FSHR: variants seen among roughly 807,000 people sequenced by gnomAD.
The protein encoded by FSHR is follicle-stimulating hormone receptor.
FSHR carries 46 observed loss-of-function variants against 52.1 expected under a neutral mutation model. The ratio of observed to expected loss-of-function variants is 0.88; its 90% CI spans 0.70 to 1.13. The LOEUF is 1.13. FSHR is among the 50% of genes most tolerant of loss of function. The pLI is 0.00. For synonymous variants in FSHR, 399 were observed against 309.6 expected (o/e 1.29, Z -3.03); for missense variants, 964 against 834.6 (o/e 1.16, Z -1.91).
At chr2:49,126,057 G>A (rs1380839234) in intron 1 of FSHR, among the ~76,000 whole-genome samples, 1 of 152,160 alleles carries the variant, frequency 6.6e-6, no homozygotes, top group Non-Finnish European at 1.5e-5. Context: ...TACCCATGTG[G>A]GATTCCTAGA....
intron 1 of FSHR, among the ~76,000 whole-genome samples, chr2:49,083,686 G>A (rs1346945686): frequency 6.7e-6 from 1 of 149,856 alleles, no homozygotes; most frequent in East Asian, 2.0e-4. Context: ...AAAGGCAGGG[G>A]TTGCAATCCT....
At chr2:49,088,123 G>T (rs568472978) in intron 1 of FSHR, among the ~76,000 whole-genome samples, 1 of 152,302 alleles carries the variant, frequency 6.6e-6, no homozygotes, top group Non-Finnish European at 1.5e-5. Context: ...CAGTTAGAAA[G>T]TGGCAGATGT....
At chr2:49,068,113 C>G in intron 2 of FSHR, 106 bp downstream of exon 2, 1 of 854,262 alleles carries the variant, frequency 1.2e-6, no homozygotes, top group Non-Finnish European at 2.0e-6. Flanking sequence ...TTTGGCTGAC[C>G]ATGTCAGTTC....
chr2:49,010,950 T>A (rs1667247090), intron 4 of FSHR, among the ~76,000 whole-genome samples: 1 of 151,994 alleles, frequency 6.6e-6, no homozygotes, highest in Non-Finnish European at 1.5e-5. Flanking sequence ...TAGTGGTCTA[T>A]CAATTTTGTT....
intron 4 of FSHR, among the ~76,000 whole-genome samples, chr2:48,994,237 C>T (rs1282645283): frequency 2.0e-5 from 3 of 152,154 alleles, no homozygotes; most frequent in Non-Finnish European, 4.4e-5. Flanking sequence ...GCAACTTCCC[C>T]ATCTCTCTTA....
chr2:49,045,782 G>A (rs1358904972), intron 2 of FSHR, among the ~76,000 whole-genome samples: 1 of 152,140 alleles, frequency 6.6e-6, no homozygotes, highest in Non-Finnish European at 1.5e-5. Context: ...CCAGTGCCAA[G>A]TGCTCAACGC....
intron 2 of FSHR, among the ~76,000 whole-genome samples, chr2:49,042,864 G>A (rs1389559116): frequency 6.6e-6 from 1 of 152,190 alleles, no homozygotes; most frequent in Admixed American, 6.5e-5. Flanking sequence ...GGATTGCTAA[G>A]GGGCAGAGAC....
chr2:49,003,551 G>C (rs868716303), intron 4 of FSHR, among the ~76,000 whole-genome samples: 32 of 152,098 alleles, frequency 2.1e-4, no homozygotes, highest in Admixed American at 2.6e-4. Context: ...GAATATTCCT[G>C]TACCAGGATC....
At chr2:49,086,353 C>G (rs1670392179) in intron 1 of FSHR, among the ~76,000 whole-genome samples, 2 of 152,200 alleles carry the variant, frequency 1.3e-5, no homozygotes. Flanking sequence ...GAGCTACACT[C>G]TCACATAATC....
chr2:49,118,872 G>A (rs984102545), intron 1 of FSHR, among the ~76,000 whole-genome samples: 2 of 152,184 alleles, frequency 1.3e-5, no homozygotes, highest in African/African-American at 2.4e-5. Context: ...CCCATAAAGA[G>A]CCAAAAACCT....
At chr2:49,145,768 T>C (rs893668013) in intron 1 of FSHR, among the ~76,000 whole-genome samples, 1 of 152,082 alleles carries the variant, frequency 6.6e-6, no homozygotes, top group Non-Finnish European at 1.5e-5. Context: ...TTCTCTCCAG[T>C]GCCTAATATA....
intron 1 of FSHR, among the ~76,000 whole-genome samples, chr2:49,075,960 C>A (rs962353585): frequency 6.6e-6 from 1 of 152,062 alleles, no homozygotes; most frequent in African/African-American, 2.4e-5. Context: ...TTTGAAAAAT[C>A]AGAAAACATG....
At chr2:49,044,742 A>G (rs1455698392) in intron 2 of FSHR, among the ~76,000 whole-genome samples, 2 of 152,126 alleles carry the variant, frequency 1.3e-5, no homozygotes, top group Admixed American at 1.3e-4. Flanking sequence ...ATCTAGAAGA[A>G]ACCTTATGTG....
At chr2:49,086,965 G>A (rs1670416574) in intron 1 of FSHR, among the ~76,000 whole-genome samples, 1 of 149,918 alleles carries the variant, frequency 6.7e-6, no homozygotes, top group Non-Finnish European at 1.5e-5. Flanking sequence ...ATACTCATGT[G>A]ATTTTCACGT....
At chr2:49,075,942 AC>A in intron 1 of FSHR, among the ~76,000 whole-genome samples, 1 of 152,310 alleles carries the variant, frequency 6.6e-6, no homozygotes, top group Admixed American at 6.5e-5. Flanking sequence ...AGCTAGACTA[AC>A]AGTAGATTTG....
rs753675462 is a variant in FSHR, at chr2:49,068,204, G to T, written c.224+15C>A. ...CCCCTTGAGGCATTCACTCACAGCA[G>T]TGCTAGGTACATACATTTTCTCCAG... On this transcript the variant is annotated intron_variant, in intron 2 of 9. Transcript: ENST00000406846. 5 of 1,603,014 alleles carry T rather than the reference G, an allele frequency of 3.1e-6. No individual in the cohort carries two copies. Among genetic ancestry groups the T allele is most frequent in the Non-Finnish European group, 4.3e-6 (5 of 1,172,170 alleles).
At chr2:49,005,968 T>C (rs1667062036) in intron 4 of FSHR, among the ~76,000 whole-genome samples, 1 of 152,132 alleles carries the variant, frequency 6.6e-6, no homozygotes, top group African/African-American at 2.4e-5. Context: ...ATGGCCAGAC[T>C]ATAAAGCAGG....
intron 2 of FSHR, among the ~76,000 whole-genome samples, chr2:49,024,866 C>T (rs1057110885): frequency 3.9e-5 from 6 of 152,288 alleles, no homozygotes; most frequent in Admixed American, 3.9e-4. Flanking sequence ...TTTTCCTTCC[C>T]TGAGTCCCCA....
At chr2:48,995,037 C>A (rs967110002) in intron 4 of FSHR, among the ~76,000 whole-genome samples, 15 of 152,048 alleles carry the variant, frequency 9.9e-5, no homozygotes, top group African/African-American at 3.6e-4. Flanking sequence ...AACAGGTGAC[C>A]CTGAGGCTCT....
Sources: allele counts gnomAD v4.1 joint callset (sites outside exome capture counted in the v4.1 genomes callset), GRCh38; gene constraint gnomAD v4.1.1; transcripts MANE v1.5; gene names NCBI Gene and HGNC (gene_info 2026-07-23, HGNC 2026-07-21).